Variants in SLIT2 observed in about 807,000 individuals in gnomAD.
The protein encoded by SLIT2 is slit guidance ligand 2.
SLIT2 carries 41 observed loss-of-function variants against 185.7 expected under a neutral mutation model. That is an observed-to-expected ratio of 0.22 (90% CI 0.17 to 0.29). The LOEUF is 0.29. Ranked by LOEUF, SLIT2 falls within the 10% of genes least tolerant of loss-of-function variation. The pLI, the probability that SLIT2 is intolerant of heterozygous loss-of-function variation, is 1.00. For missense variants in SLIT2, 1,571 were observed against 1,909.0 expected (o/e 0.82, Z 3.30); for synonymous variants, 693 against 680.2 (o/e 1.02, Z -0.29).
At chr4:20,486,059 G>A (rs1210038108) in intron 6 of SLIT2, 141 bp from the exon 7 acceptor site, 1 of 633,940 alleles carries the variant, frequency 1.6e-6, no homozygotes, top group Non-Finnish European at 2.9e-6. Flanking sequence ...CTTGTCTATA[G>A]AGTAGTGCAT....
At chr4:20,472,497 T>TATCTATATAGATATATATATAG (rs1715479887) in intron 5 of SLIT2, among the ~76,000 whole-genome samples, 1 of 13,734 alleles carries the variant, frequency 7.3e-5, no homozygotes, top group Non-Finnish European at 1.1e-4. Context: ...TATATAGATA[T>TATCTATATAGATATATATATAG]ATATCTATAT....
At chr4:20,579,519 G>A (rs759743407) in intron 29 of SLIT2, among the ~76,000 whole-genome samples, 1 of 152,030 alleles carries the variant, frequency 6.6e-6, no homozygotes, top group South Asian at 2.1e-4. Flanking sequence ...GAAACTTAAC[G>A]GACAGTAGGA....
chr4:20,381,857 A>G (rs772992058), intron 4 of SLIT2, among the ~76,000 whole-genome samples: 1 of 151,842 alleles, frequency 6.6e-6, no homozygotes, highest in Non-Finnish European at 1.5e-5. Flanking sequence ...AAAATTCATA[A>G]CAAAAACATA....
intron 22 of SLIT2, among the ~76,000 whole-genome samples, chr4:20,546,387 G>C (rs1723254813): frequency 6.6e-6 from 1 of 152,070 alleles, no homozygotes; most frequent in East Asian, 1.9e-4. Flanking sequence ...GATTTTTATT[G>C]ATAATGAATA....
At chr4:20,270,749 T>A (rs901444929) in intron 4 of SLIT2, among the ~76,000 whole-genome samples, 4 of 151,964 alleles carry the variant, frequency 2.6e-5, no homozygotes, top group African/African-American at 9.7e-5. Flanking sequence ...GCACTCAATA[T>A]TGACAAAGTG....
chr4:20,530,976 C>A (rs55705544), intron 16 of SLIT2, among the ~76,000 whole-genome samples: 26,751 of 147,322 alleles, frequency 0.18, 2,942 homozygotes, highest in Middle Eastern at 0.32. Flanking sequence ...AAAAAAAAAA[C>A]AAAAACAAAA....
At chr4:20,443,037 A>C (rs181267672) in intron 4 of SLIT2, among the ~76,000 whole-genome samples, 1 of 152,314 alleles carries the variant, frequency 6.6e-6, no homozygotes, top group African/African-American at 2.4e-5. Flanking sequence ...AACTGAATAG[A>C]ATTTTGTTTC....
intron 29 of SLIT2, chr4:20,573,307 CTTTCTTGTA>C: frequency 1.4e-6 from 1 of 702,848 alleles, no homozygotes; most frequent in Middle Eastern, 2.3e-4. Context: ...TAGTCTCCCT[CTTTCTTGTA>C]AAGTTACATA....
At chr4:20,322,477 C>T (rs1457061643) in intron 4 of SLIT2, among the ~76,000 whole-genome samples, 1 of 152,122 alleles carries the variant, frequency 6.6e-6, no homozygotes, top group Non-Finnish European at 1.5e-5. Flanking sequence ...TTTCCTTTCA[C>T]TCATAATTTA....
chr4:20,511,397 C>T (rs1719694669), intron 11 of SLIT2, among the ~76,000 whole-genome samples: 1 of 150,140 alleles, frequency 6.7e-6, no homozygotes, highest in African/African-American at 2.4e-5. Context: ...AGTTAGATCC[C>T]CTTTTTGACC....
At chr4:20,466,814 T>A (rs113088796) in intron 4 of SLIT2, among the ~76,000 whole-genome samples, 2,043 of 152,324 alleles carry the variant, frequency 0.013, 50 homozygotes, top group African/African-American at 0.047. Context: ...ATTTTAAAGA[T>A]AATTTTAATA....
chr4:20,321,254 T>C (rs1010235851), intron 4 of SLIT2, among the ~76,000 whole-genome samples: 1 of 152,236 alleles, frequency 6.6e-6, no homozygotes, highest in Non-Finnish European at 1.5e-5. Context: ...AAGCCCAGGC[T>C]ACACATCACT....
intron 4 of SLIT2, among the ~76,000 whole-genome samples, chr4:20,300,683 T>C (rs924771574): frequency 6.6e-6 from 1 of 152,164 alleles, no homozygotes; most frequent in African/African-American, 2.4e-5. Flanking sequence ...AATGGACATA[T>C]ATTATGTGAT....
At chr4:20,565,257 G>A (rs1187818736) in intron 26 of SLIT2, among the ~76,000 whole-genome samples, 1 of 151,960 alleles carries the variant, frequency 6.6e-6, no homozygotes, top group Non-Finnish European at 1.5e-5. Flanking sequence ...GATGTGGCCA[G>A]ATAAATGCTT....
At chr4:20,531,117 C>G (rs182291207) in intron 16 of SLIT2, among the ~76,000 whole-genome samples, 2 of 152,200 alleles carry the variant, frequency 1.3e-5, no homozygotes, top group Admixed American at 1.3e-4. Flanking sequence ...CCAGCAATGC[C>G]CCTCCTATGT....
chr4:20,518,557 G>GTGTGTGTATATATATATATATATATA (rs1271279922), intron 11 of SLIT2, among the ~76,000 whole-genome samples: 6 of 17,860 alleles, frequency 3.4e-4, no homozygotes, highest in Non-Finnish European at 4.7e-4. Context: ...CAGCCTATAT[G>GTGTGTGTATATATATATATATATATA]TATATATATA....
chr4:20,253,370 C>G lies in SLIT2; in HGVS notation c.-446C>G, dbSNP rs1420386751. 1.1e-5 allele frequency: 2 copies of G among 184,130 alleles called. No homozygotes were observed. The highest frequency in any genetic ancestry group is 2.3e-5 in the Non-Finnish European group (2 of 87,746). The allele number at this position is 184,130 out of a possible 1,614,324, so 11.4% of individuals were successfully genotyped here. A position where few individuals can be genotyped will look rare whatever the true frequency, so the allele number is the denominator to read the frequency against. Reference sequence around the variant, plus strand: ...TTGAGATCCCCTCTTCTGTCTTGTACCTTCGCCACTGGCATCGGATTTGCA... The same window carrying G: ...TTGAGATCCCCTCTTCTGTCTTGTAGCTTCGCCACTGGCATCGGATTTGCA... On this transcript the variant is annotated 5_prime_UTR_variant, in exon 1 of 37. Transcript: ENST00000504154.
chr4:20,594,256 C>CATAT (rs10655060), intron 30 of SLIT2, among the ~76,000 whole-genome samples: 2,423 of 148,642 alleles, frequency 0.016, 57 homozygotes, highest in African/African-American at 0.057. Flanking sequence ...TATACATATA[C>CATAT]ATACACGCAT....
chr4:20,594,169 ATATG>A (rs915960007), intron 30 of SLIT2, among the ~76,000 whole-genome samples: 1 of 149,638 alleles, frequency 6.7e-6, no homozygotes, highest in African/African-American at 2.5e-5. Flanking sequence ...ATGTGTGTAT[ATATG>A]TATGTACATG....
Sources: allele counts gnomAD v4.1 joint callset (sites outside exome capture counted in the v4.1 genomes callset), GRCh38; gene constraint gnomAD v4.1.1; transcripts MANE v1.5; gene names NCBI Gene and HGNC (gene_info 2026-07-23, HGNC 2026-07-21).